ANKRD30BL: variants seen among roughly 807,000 people sequenced by gnomAD.
The protein encoded by ANKRD30BL is ankyrin repeat domain 30B like.
In ANKRD30BL, 20 loss-of-function variants were observed where a neutral mutation model predicts 18.4. The observed-to-expected ratio is 1.09, with a 90% CI of 0.77 to 1.58. The LOEUF is 1.58. Ranked by LOEUF, ANKRD30BL falls within the 40% of genes most tolerant of loss-of-function variation. ANKRD30BL has a pLI of 0.00. For missense variants in ANKRD30BL, 224 were observed against 268.6 expected, an observed-to-expected ratio of 0.83 and a Z score of 1.16; for synonymous variants, 72 against 100.9, an observed-to-expected ratio of 0.71 and a Z score of 1.72.
At chr2:132,215,322 C>T (rs1279051861) in intron 1 of ANKRD30BL, among the ~76,000 whole-genome samples, 2 of 152,162 alleles carry the variant, frequency 1.3e-5, no homozygotes, top group African/African-American at 4.8e-5. Flanking sequence ...ATGCGGAGCT[C>T]TTTGAGGCCT....
intron 1 of ANKRD30BL, among the ~76,000 whole-genome samples, chr2:132,171,969 C>T (rs1688291734): frequency 6.6e-6 from 1 of 152,164 alleles, no homozygotes; most frequent in African/African-American, 2.4e-5. Flanking sequence ...TATCCTTTTG[C>T]ATCTGGATTA....
intron 1 of ANKRD30BL, among the ~76,000 whole-genome samples, chr2:132,202,796 A>G (rs1679134230): frequency 6.6e-6 from 1 of 152,184 alleles, no homozygotes; most frequent in Non-Finnish European, 1.5e-5. Flanking sequence ...CCTCTACTAC[A>G]ACATTTGAAG....
chr2:132,205,589 G>A (rs1679195759), intron 1 of ANKRD30BL, among the ~76,000 whole-genome samples: 1 of 134,066 alleles, frequency 7.5e-6, no homozygotes, highest in Non-Finnish European at 1.6e-5. Context: ...TGAAAAGAGG[G>A]AAACTTCGTC....
intron 1 of ANKRD30BL, among the ~76,000 whole-genome samples, chr2:132,222,376 G>C (rs553628531): frequency 6.6e-6 from 1 of 152,050 alleles, no homozygotes; most frequent in African/African-American, 2.4e-5. Flanking sequence ...TGACAATGGC[G>C]GTTTTGTGGA....
At chr2:132,237,128 G>A (rs1680171055) in intron 1 of ANKRD30BL, among the ~76,000 whole-genome samples, 1 of 151,634 alleles carries the variant, frequency 6.6e-6, no homozygotes, top group Admixed American at 6.6e-5. Context: ...AATGTTGTGA[G>A]GTGGGGGGAG....
At chr2:132,245,280 A>C (rs1341700109) in intron 1 of ANKRD30BL, among the ~76,000 whole-genome samples, 6 of 152,272 alleles carry the variant, frequency 3.9e-5, no homozygotes, top group Non-Finnish European at 8.8e-5. Context: ...CTTCACATAA[A>C]AACTAGACAG....
intron 1 of ANKRD30BL, among the ~76,000 whole-genome samples, chr2:132,229,161 T>C (rs1377356411): frequency 6.6e-6 from 1 of 152,144 alleles, no homozygotes; most frequent in Non-Finnish European, 1.5e-5. Flanking sequence ...TTGTGATGTG[T>C]GCATTCAACC....
At chr2:132,252,323 C>G (rs1445601044) in intron 1 of ANKRD30BL, among the ~76,000 whole-genome samples, 1 of 152,224 alleles carries the variant, frequency 6.6e-6, no homozygotes, top group Non-Finnish European at 1.5e-5. Context: ...TCCGAGGATG[C>G]AGCGGTGCTG....
chr2:132,187,200 T>G (rs1366969499), intron 1 of ANKRD30BL, among the ~76,000 whole-genome samples: 5 of 145,964 alleles, frequency 3.4e-5, no homozygotes, highest in African/African-American at 5.0e-5. Flanking sequence ...TTTTTTTTTT[T>G]TTTTTTTTTG....
chr2:132,251,387 TACC>T (rs1680643646), intron 1 of ANKRD30BL, among the ~76,000 whole-genome samples: 1 of 106,616 alleles, frequency 9.4e-6, no homozygotes, highest in African/African-American at 3.6e-5. Flanking sequence ...TCTCTGTAAC[TACC>T]ACTTCGACAG....
At chr2:132,257,950 G>C (rs1680919342) in exon 1 of ANKRD30BL, 2 of 153,346 alleles carry the variant, frequency 1.3e-5, no homozygotes, top group Non-Finnish European at 2.9e-5. Flanking sequence ...CTCGGCGGCC[G>C]GCCGGCGCAC....
At chr2:132,187,197 T>TG (rs1688580233) in intron 1 of ANKRD30BL, among the ~76,000 whole-genome samples, 1 of 144,404 alleles carries the variant, frequency 6.9e-6, no homozygotes, top group African/African-American at 2.6e-5. Context: ...TGTTTTTTTT[T>TG]TTTTTTTTTT....
At chr2:132,190,767 G>A (rs575192334) in intron 1 of ANKRD30BL, among the ~76,000 whole-genome samples, 9 of 152,192 alleles carry the variant, frequency 5.9e-5, no homozygotes, top group East Asian at 5.8e-4. Flanking sequence ...TTTATGCAGC[G>A]AATTATGATA....
chr2:132,226,034 A>T (rs1420652690), intron 1 of ANKRD30BL, among the ~76,000 whole-genome samples: 1 of 152,032 alleles, frequency 6.6e-6, no homozygotes, highest in African/African-American at 2.4e-5. Context: ...AGACAGAAGC[A>T]TTTTCAAAAA....
intron 1 of ANKRD30BL, among the ~76,000 whole-genome samples, chr2:132,202,737 A>G (rs1001088835): frequency 6.6e-6 from 1 of 151,906 alleles, no homozygotes; most frequent in African/African-American, 2.4e-5. Flanking sequence ...GCGTACACAC[A>G]CCATATATAT....
At chr2:132,251,138 CT>C (rs1680637514) in intron 1 of ANKRD30BL, among the ~76,000 whole-genome samples, 2 of 129,484 alleles carry the variant, frequency 1.5e-5, no homozygotes, top group African/African-American at 5.7e-5. Flanking sequence ...TGACTTTCAA[CT>C]TTCTTTTGAA....
At chr2:132,161,258 AT>A (rs1250595939) in intron 1 of ANKRD30BL, among the ~76,000 whole-genome samples, 2 of 152,170 alleles carry the variant, frequency 1.3e-5, no homozygotes, top group East Asian at 3.9e-4. Flanking sequence ...TTTGGGGTTG[AT>A]TTTAAGGTGG....
chr2:132,220,350 G>GTCCCTCTCCCTCTCCCTCTCCCTC (rs1345388299), intron 1 of ANKRD30BL, among the ~76,000 whole-genome samples: 5 of 80,148 alleles, frequency 6.2e-5, no homozygotes, highest in African/African-American at 3.1e-4. Flanking sequence ...CCCTCTCCCT[G>GTCCCTCTCCCTCTCCCTCTCCCTC]TCCCTCTCCC....
intron 1 of ANKRD30BL, among the ~76,000 whole-genome samples, chr2:132,213,314 A>G (rs1679405306): frequency 6.6e-6 from 1 of 152,084 alleles, no homozygotes; most frequent in African/African-American, 2.4e-5. Context: ...TCTTCACATA[A>G]ATACTATACA....
Sources: gnomAD v4.1 joint callset for allele counts (sites outside exome capture counted in the v4.1 genomes callset) on GRCh38, gnomAD v4.1.1 for gene constraint, MANE v1.5 for transcripts, NCBI Gene and HGNC (gene_info 2026-07-23, HGNC 2026-07-21) for gene names.